Variants in DNAH9 observed in about 807,000 individuals in gnomAD.
DNAH9 encodes the protein dynein axonemal heavy chain 9.
Under a neutral mutation model 471.6 loss-of-function variants are expected in DNAH9, and 345 were observed. The observed-to-expected ratio is 0.73, with a 90% CI of 0.67 to 0.80. The LOEUF (loss-of-function observed/expected upper bound fraction) is 0.80, where lower values mean the gene tolerates loss of function less well. Ranked by LOEUF, DNAH9 falls within the 30% of genes least tolerant of loss-of-function variation. The probability of loss-of-function intolerance (pLI) is 0.00; values close to 1 mark genes in which losing one functional copy is unlikely to be tolerated. For synonymous variants in DNAH9, 2,093 were observed against 2,123.6 expected (o/e 0.99, Z 0.40); for missense variants, 5,407 against 5,609.2 (o/e 0.96, Z 1.15).
chr17:11,786,757 G>C (rs1445539830), intron 41 of DNAH9, among the ~76,000 whole-genome samples: 1 of 152,196 alleles, frequency 6.6e-6, no homozygotes, highest in Non-Finnish European at 1.5e-5. Context: ...CCTTGTGGTA[G>C]TGGTCACTGA....
intron 23 of DNAH9, among the ~76,000 whole-genome samples, chr17:11,700,488 C>G (rs1393922064): frequency 6.6e-6 from 1 of 152,100 alleles, no homozygotes; most frequent in African/African-American, 2.4e-5. Context: ...TTAGCACCAC[C>G]GATAAATATA....
At chr17:11,738,772 A>T in intron 28 of DNAH9, 108 bp from the exon 29 acceptor site, 1 of 945,596 alleles carries the variant, frequency 1.1e-6, no homozygotes, top group Non-Finnish European at 1.7e-6. Flanking sequence ...GAAAGGGTCC[A>T]CAGGACAGTT....
intron 31 of DNAH9, among the ~76,000 whole-genome samples, chr17:11,745,405 C>T (rs1247146543): frequency 6.6e-6 from 1 of 152,166 alleles, no homozygotes; most frequent in Admixed American, 6.5e-5. Context: ...CTGGCCACAT[C>T]TACAGAACCT....
chr17:11,693,081 T>G (rs1187815782), intron 20 of DNAH9, among the ~76,000 whole-genome samples: 1 of 150,104 alleles, frequency 6.7e-6, no homozygotes, highest in Non-Finnish European at 1.5e-5. Context: ...TTTTTTTTTT[T>G]TTTTTGTATC....
intron 11 of DNAH9, among the ~76,000 whole-genome samples, chr17:11,646,531 C>G (rs897359867): frequency 1.2e-4 from 18 of 152,182 alleles, no homozygotes; most frequent in African/African-American, 4.3e-4. Context: ...GCAACATTTA[C>G]TGAGACTAAT....
intron 49 of DNAH9, among the ~76,000 whole-genome samples, chr17:11,853,565 C>T (rs1481266437): frequency 6.6e-6 from 1 of 152,064 alleles, no homozygotes; most frequent in Admixed American, 6.6e-5. Context: ...TTAGAACAAG[C>T]TCATGGAACA....
chr17:11,929,811 C>T, intron 62 of DNAH9, 55 bp from the exon 63 acceptor site: 2 of 1,467,482 alleles, frequency 1.4e-6, no homozygotes, highest in Non-Finnish European at 1.9e-6. Context: ...CTATTTACTG[C>T]TAACAGAGCT....
chr17:11,644,790 G>A, intron 11 of DNAH9, 91 bp downstream of exon 11: 1 of 863,876 alleles, frequency 1.2e-6, no homozygotes, highest in Non-Finnish European at 1.9e-6. Flanking sequence ...TTCCTCAGTG[G>A]CTCCGAAGTA....
intron 63 of DNAH9, among the ~76,000 whole-genome samples, 154 bp from the exon 64 acceptor site, chr17:11,931,860 C>T (rs752412364): frequency 1.4e-4 from 22 of 152,196 alleles, no homozygotes; most frequent in African/African-American, 3.1e-4. Flanking sequence ...CCCTTCCACA[C>T]GTTCCCCCCA....
rs1394570304 is a variant in DNAH9 at position 11,793,486 on chromosome 17, G to T, written c.8062-17G>T. On this transcript the variant is annotated splice_polypyrimidine_tract_variant and intron_variant, in intron 41 of 68. Coordinates refer to ENST00000262442, the MANE Select transcript of DNAH9 (RefSeq NM_001372.4). ...ATGGTTATTAACGTTATTTTTTTGT[G>T]TCTGTTCCCCTTGAAGGGCATTCTC... The T allele has an allele frequency of 5.0e-6, 8 of 1,595,596 alleles. No homozygotes were observed. The Admixed American group carries it at 9.1e-5, about 18-fold the overall frequency.
At chr17:11,811,433 C>T (rs561090368) in intron 45 of DNAH9, among the ~76,000 whole-genome samples, 2 of 152,278 alleles carry the variant, frequency 1.3e-5, no homozygotes, top group South Asian at 4.1e-4. Context: ...TCTGTCTCCC[C>T]AGCTCTCTTA....
chr17:11,769,755 C>T (rs1255235329), intron 38 of DNAH9, among the ~76,000 whole-genome samples: 1 of 152,142 alleles, frequency 6.6e-6, no homozygotes, highest in African/African-American at 2.4e-5. Context: ...TGTGATTGCC[C>T]AAAGTCACCA....
Position 11,705,154 on chromosome 17 carries a change from C to T in DNAH9, c.5521C>T (p.Pro1841Ser). The change falls in exon 26 of 69, where the codon CCT becomes TCT. Residue 1841 changes from proline (P) to serine (S), a missense_variant. This residue lies in a region of DNAH9 where 4,636 missense variants were observed against 4,900.3 expected (regional missense o/e 0.95). Coordinates refer to ENST00000262442, the MANE Select transcript of DNAH9 (RefSeq NM_001372.4). Reference protein sequence around the residue: ...LYSYEYLGNTPRLVITPLTDR... With the variant: ...LYSYEYLGNTSRLVITPLTDR... ...TTCCTATGAGTACCTGGGAAACACA[C>T]CTCGCTTGGTGATCACACCTTTGAC... is the stretch of plus-strand genomic sequence containing the variant. 3.1e-6 allele frequency: 5 copies of T among 1,614,152 alleles called. No individual in the cohort carries two copies. The highest frequency in any genetic ancestry group is 1.1e-5 in the South Asian group (1 of 91,080).
intron 45 of DNAH9, among the ~76,000 whole-genome samples, chr17:11,811,498 C>T (rs112732319): frequency 0.15 from 22,867 of 151,924 alleles, 1,828 homozygotes; most frequent in Non-Finnish European, 0.15. Flanking sequence ...ATGCCCCCAA[C>T]CAGAGATATG....
chr17:11,619,109 TG>T (rs905548978), intron 5 of DNAH9, among the ~76,000 whole-genome samples: 3 of 152,258 alleles, frequency 2.0e-5, no homozygotes, highest in Non-Finnish European at 4.4e-5. Context: ...GGACCCACCC[TG>T]TTGTGGTGAA....
Position 11,610,443 on chromosome 17 carries a change from TGATCAAATG to T in DNAH9, c.665_673del (p.Ile222_Trp224del), listed in dbSNP as rs2072610982. On this transcript the variant is annotated inframe_deletion, in exon 3 of 69. Coordinates refer to ENST00000262442, the MANE Select transcript of DNAH9 (RefSeq NM_001372.4). ...GTCATCTATGCCATTGAGTCTGCAGTGATCAAATGGAGCTACCAAGTCCAGGTGGTACTC... is the reference window on the plus strand; with the variant it reads ...GTCATCTATGCCATTGAGTCTGCAGTGAGCTACCAAGTCCAGGTGGTACTC... 6.2e-7 allele frequency: 1 copy of T among 1,613,614 alleles called. No homozygotes were observed. The highest frequency in any genetic ancestry group is 1.3e-5 in the African/African-American group (1 of 75,062).
chr17:11,839,623 T>C (rs1462724069), intron 49 of DNAH9, among the ~76,000 whole-genome samples: 1 of 152,202 alleles, frequency 6.6e-6, no homozygotes, highest in Non-Finnish European at 1.5e-5. Flanking sequence ...TGATGGCTCC[T>C]ATAATAATTT....
At chr17:11,963,547 C>G (rs1019909160) in intron 68 of DNAH9, among the ~76,000 whole-genome samples, 1 of 151,842 alleles carries the variant, frequency 6.6e-6, no homozygotes, top group East Asian at 1.9e-4. Flanking sequence ...AACTAACTAT[C>G]CGGTACTATG....
chr17:11,832,949 C>A (rs1223885236), intron 48 of DNAH9, among the ~76,000 whole-genome samples: 1 of 152,218 alleles, frequency 6.6e-6, no homozygotes, highest in Non-Finnish European at 1.5e-5. Context: ...GCCAGTGACT[C>A]TCAAACTTAG....
Sources: gnomAD v4.1 joint callset for allele counts (sites outside exome capture counted in the v4.1 genomes callset) on GRCh38, gnomAD v4.1.1 for gene constraint, gnomAD v4.1.1 regional missense constraint, MANE v1.5 for transcripts, NCBI Gene and HGNC (gene_info 2026-07-23, HGNC 2026-07-21) for gene names.